Variants in THAP5 observed in about 807,000 individuals in gnomAD.
THAP5 encodes THAP domain-containing protein 5.
Under a neutral mutation model 34.0 loss-of-function variants are expected in THAP5, and 26 were observed. The observed-to-expected ratio is 0.77, with a 90% confidence interval of 0.56 to 1.06. The LOEUF is 1.06. Ranked by LOEUF, THAP5 falls within the 50% of genes least tolerant of loss-of-function variation. THAP5 has a pLI of 0.00. For synonymous variants in THAP5, 125 were observed against 153.0 expected, an observed-to-expected ratio of 0.82 and a Z score of 1.35; for missense variants, 394 against 452.8, an observed-to-expected ratio of 0.87 and a Z score of 1.18.
chr7:108,548,509 C>T, the THAP5 span, among the ~76,000 whole-genome samples: 5 of 152,080 alleles, frequency 3.3e-5, no homozygotes, highest in Admixed American at 6.6e-5. Context: ...GATAAAATAA[C>T]GAATAGGTCA....
At chr7:108,547,118 T>G in the THAP5 span, among the ~76,000 whole-genome samples, 2 of 152,196 alleles carry the variant, frequency 1.3e-5, no homozygotes, top group African/African-American at 4.8e-5. Flanking sequence ...CATTTCTTAT[T>G]TAATGACATT....
downstream of THAP5, among the ~76,000 whole-genome samples, chr7:108,550,332 T>G (rs1864345727): frequency 6.6e-6 from 1 of 152,244 alleles, no homozygotes; most frequent in African/African-American, 2.4e-5. Context: ...AGCTCTGACT[T>G]TAAAAAATAA....
downstream of THAP5, among the ~76,000 whole-genome samples, chr7:108,551,144 A>G (rs571072624): frequency 6.6e-6 from 1 of 152,176 alleles, no homozygotes; most frequent in East Asian, 1.9e-4. Context: ...TCTTTCCCCT[A>G]TGTTTTCTTA....
At chr7:108,569,245 A>G in intron 1 of THAP5, 1 of 1,384,840 alleles carries the variant, frequency 7.2e-7, no homozygotes, top group Non-Finnish European at 9.3e-7. Flanking sequence ...CGCAAACTTT[A>G]CTGTTTTAAC....
At chr7:108,569,322 G>A (rs1008953007) in intron 1 of THAP5, 168 bp downstream of exon 1, 2 of 1,459,636 alleles carry the variant, frequency 1.4e-6, no homozygotes, top group African/African-American at 2.8e-5. Context: ...GAAGGGCATT[G>A]CTAGCTAAAC....
downstream of THAP5, chr7:108,554,440 C>T (rs547116927): frequency 4.4e-4 from 67 of 152,242 alleles, no homozygotes; most frequent in African/African-American, 1.5e-3. Flanking sequence ...GAAGCCCTGA[C>T]GTAACTGACA....
chr7:108,547,435 G>A, the THAP5 span, among the ~76,000 whole-genome samples: 3 of 152,082 alleles, frequency 2.0e-5, no homozygotes, highest in African/African-American at 7.2e-5. Context: ...TAAAGATTAG[G>A]TTCTCTCTGA....
chr7:108,561,391 G>A (rs1365537189), downstream of THAP5, among the ~76,000 whole-genome samples: 1 of 150,582 alleles, frequency 6.6e-6, no homozygotes, highest in Non-Finnish European at 1.5e-5. Flanking sequence ...AGACTCCTGA[G>A]TAGCTGGGAA....
Position 108,562,382 on chromosome 7 carries a change from CCAT to C in THAP5, c.*1806_*1808del, listed in dbSNP as rs999210657. On this transcript the variant is annotated 3_prime_UTR_variant, in exon 3 of 3. Coordinates refer to ENST00000415914, the MANE Select transcript of THAP5 (RefSeq NM_001130475.3). ...TATGCAAAAATTTTAAGTTTTTCCC[CCAT>C]CGTCACCTAAGACATTTCTAATCTT... 6.6e-6 allele frequency: 1 copy of C among 152,126 alleles called. No individual in the cohort carries two copies. The highest frequency in any genetic ancestry group is 2.4e-5 in the African/African-American group (1 of 41,414). 9.4% of individuals were successfully genotyped at this position (152,126 alleles called of 1,614,324 possible).
intron 1 of THAP5, 25 bp from the exon 2 acceptor site, chr7:108,566,047 A>T (rs879217452): frequency 1.3e-6 from 2 of 1,491,336 alleles, no homozygotes; most frequent in South Asian, 2.7e-5. Context: ...AAAAAGAAGA[A>T]AAAAGGAAAA....
downstream of THAP5, among the ~76,000 whole-genome samples, chr7:108,551,920 C>T (rs187258951): frequency 1.5e-4 from 23 of 152,238 alleles, 1 homozygote; most frequent in South Asian, 2.3e-3. Flanking sequence ...GTCCCCTACC[C>T]GATGTTAAAT....
At chr7:108,548,926 C>T in the THAP5 span, among the ~76,000 whole-genome samples, 783 of 152,194 alleles carry the variant, frequency 5.1e-3, 52 homozygotes, top group East Asian at 0.13. Flanking sequence ...ATAGCTCTTA[C>T]ACATATTCTT....
downstream of THAP5, among the ~76,000 whole-genome samples, chr7:108,561,138 C>G (rs1864426339): frequency 1.3e-5 from 2 of 152,192 alleles, no homozygotes; most frequent in South Asian, 4.1e-4. Context: ...CTGTTCCTTG[C>G]AACCAAAAGA....
chr7:108,556,409 A>G (rs1864386150), intron 1 of THAP5, among the ~76,000 whole-genome samples: 1 of 152,184 alleles, frequency 6.6e-6, no homozygotes, highest in Admixed American at 6.5e-5. Flanking sequence ...AAAACAAGTC[A>G]TTTATTTCCA....
the THAP5 span, among the ~76,000 whole-genome samples, chr7:108,548,903 T>G: frequency 2.0e-5 from 3 of 152,078 alleles, no homozygotes; most frequent in Admixed American, 2.0e-4. Flanking sequence ...GAAGGATGAA[T>G]AGGAGTGAGC....
downstream of THAP5, among the ~76,000 whole-genome samples, chr7:108,553,355 T>TA (rs1331126917): frequency 6.6e-6 from 1 of 152,178 alleles, no homozygotes; most frequent in Non-Finnish European, 1.5e-5. Flanking sequence ...ATGCTGCTCT[T>TA]ACTAACTCTG....
rs1221645495 is a variant in THAP5 at position 108,563,550 on chromosome 7, A to C, written c.*641T>G. On this transcript the variant is annotated 3_prime_UTR_variant, in exon 3 of 3. Transcript: ENST00000415914. Reference sequence around the variant, plus strand: ...GAGACTCCATCTCAAAAAAAAAAAAAAAAAAAAAAAAAAAAAAGTTTATCT... The same window carrying C: ...GAGACTCCATCTCAAAAAAAAAAAACAAAAAAAAAAAAAAAAAGTTTATCT... The C allele has an allele frequency of 1.3e-5, 1 of 76,540 alleles. No homozygotes were observed. The highest frequency in any genetic ancestry group is 2.9e-4 in the South Asian group (1 of 3,400). 4.7% of individuals were successfully genotyped at this position (76,540 alleles called of 1,614,324 possible). A position where few individuals can be genotyped will look rare whatever the true frequency, so the allele number is the denominator to read the frequency against.
chr7:108,555,931 G>A (rs1165490421), intron 1 of THAP5, among the ~76,000 whole-genome samples: 1 of 152,012 alleles, frequency 6.6e-6, no homozygotes, highest in Admixed American at 6.6e-5. Flanking sequence ...TCGAACTCCT[G>A]ACCTCAGGTA....
chr7:108,569,083 T>C, intron 1 of THAP5: 1 of 1,033,290 alleles, frequency 9.7e-7, no homozygotes, highest in Non-Finnish European at 1.2e-6. Flanking sequence ...GATGAAATTA[T>C]ACCTATGCGA....
Sources: allele counts gnomAD v4.1 joint callset (sites outside exome capture counted in the v4.1 genomes callset), GRCh38; gene constraint gnomAD v4.1.1; transcripts MANE v1.5; gene names NCBI Gene and HGNC (gene_info 2026-07-23, HGNC 2026-07-21).